MARCHF1: variants seen among roughly 807,000 people sequenced by gnomAD.
MARCHF1 encodes membrane associated ring-CH-type finger 1, also known as E3 ubiquitin-protein ligase MARCHF1.
A neutral mutation model predicts 54.2 loss-of-function variants in MARCHF1; 40 were observed. That is an observed-to-expected ratio of 0.74 (90% CI 0.57 to 0.96). The LOEUF (loss-of-function observed/expected upper bound fraction) is 0.96, where lower values mean the gene tolerates loss of function less well. MARCHF1 is among the 40% of genes least tolerant of loss of function. MARCHF1 has a pLI of 0.00. For synonymous variants in MARCHF1, 236 were observed against 236.3 expected (o/e 1.00, Z 0.01); for missense variants, 586 against 656.5 (o/e 0.89, Z 1.17).
intron 5 of MARCHF1, among the ~76,000 whole-genome samples, chr4:163,648,322 ATTG>A (rs1742833610): frequency 6.6e-6 from 1 of 151,942 alleles, no homozygotes; most frequent in African/African-American, 2.4e-5. Flanking sequence ...ATTAGGCTTG[ATTG>A]TTAGACAATT....
chr4:164,053,242 T>A lies in MARCHF1; in HGVS notation c.-248+58346A>T, dbSNP rs532144691. 1.7e-3 allele frequency among the ~76,000 whole-genome samples: 260 copies of A among 152,214 alleles called. 1 individual carries two copies. The highest frequency in any genetic ancestry group is 9.1e-3 in the East Asian group (47 of 5,180). On this transcript the variant is annotated intron_variant, in intron 2 of 9. Coordinates refer to ENST00000514618, the MANE Select transcript of MARCHF1 (RefSeq NM_001394959.1). ...AATTAGGTATCCTGAAGTTTTTTTT[T>A]AAAAAACAGTTACCAATGACCATTT...
chr4:163,727,874 A>G (rs1745711196), intron 4 of MARCHF1, among the ~76,000 whole-genome samples: 1 of 151,406 alleles, frequency 6.6e-6, no homozygotes, highest in African/African-American at 2.4e-5. Context: ...TTATATAGAG[A>G]TAAGGTTTCA....
intron 4 of MARCHF1, among the ~76,000 whole-genome samples, chr4:163,744,572 AATAAAT>A (rs1746302328): frequency 6.6e-6 from 1 of 152,240 alleles, no homozygotes; most frequent in South Asian, 2.1e-4. Flanking sequence ...GTAAGTGTCA[AATAAAT>A]ATAAGTGTCC....
chr4:163,532,540 A>G (rs771508477), intron 9 of MARCHF1, among the ~76,000 whole-genome samples: 15 of 152,064 alleles, frequency 9.9e-5, no homozygotes, highest in Non-Finnish European at 2.2e-4. Context: ...AAATGGATCA[A>G]TTGGACTTTA....
At chr4:163,679,821 C>A (rs995627801) in intron 5 of MARCHF1, among the ~76,000 whole-genome samples, 2 of 151,710 alleles carry the variant, frequency 1.3e-5, no homozygotes, top group South Asian at 4.2e-4. Context: ...ACCGTGGTCT[C>A]GATCTCCTGA....
At chr4:163,637,241 C>T (rs982810836) in intron 5 of MARCHF1, among the ~76,000 whole-genome samples, 1 of 152,134 alleles carries the variant, frequency 6.6e-6, no homozygotes, top group African/African-American at 2.4e-5. Context: ...CCAAAATTGA[C>T]AAATGGGATC....
intron 4 of MARCHF1, among the ~76,000 whole-genome samples, chr4:163,729,400 G>C (rs1307172553): frequency 2.6e-5 from 3 of 116,310 alleles, no homozygotes; most frequent in African/African-American, 9.4e-5. Context: ...TCACTCAACT[G>C]CTTCTGGTGC....
chr4:163,680,302 C>T (rs556308173), intron 5 of MARCHF1, among the ~76,000 whole-genome samples: 17 of 152,326 alleles, frequency 1.1e-4, no homozygotes, highest in Middle Eastern at 3.4e-3. Context: ...ACTAAGCTTA[C>T]GCTTAACCTA....
chr4:163,914,900 T>C (rs1386897985), intron 3 of MARCHF1, among the ~76,000 whole-genome samples: 2 of 152,168 alleles, frequency 1.3e-5, no homozygotes, highest in Non-Finnish European at 2.9e-5. Flanking sequence ...AATAACCATG[T>C]TGAATACTTC....
intron 3 of MARCHF1, among the ~76,000 whole-genome samples, chr4:163,926,918 G>T (rs961926881): frequency 1.3e-5 from 2 of 151,412 alleles, no homozygotes; most frequent in Non-Finnish European, 3.0e-5. Context: ...TTCTAGAATA[G>T]AATGCATATG....
chr4:164,058,677 T>A (rs1389139410), intron 2 of MARCHF1, among the ~76,000 whole-genome samples: 1 of 152,176 alleles, frequency 6.6e-6, no homozygotes, highest in African/African-American at 2.4e-5. Flanking sequence ...GTTCTCAGCC[T>A]CTCACACTGA....
At chr4:163,667,040 A>AT (rs895583725) in intron 5 of MARCHF1, among the ~76,000 whole-genome samples, 96 of 152,034 alleles carry the variant, frequency 6.3e-4, no homozygotes, top group Non-Finnish European at 1.3e-3. Context: ...GTTCAAGAGT[A>AT]TTTTTTTTAA....
intron 5 of MARCHF1, among the ~76,000 whole-genome samples, chr4:163,624,844 T>C (rs1168414248): frequency 1.3e-5 from 2 of 152,232 alleles, no homozygotes; most frequent in African/African-American, 2.4e-5. Context: ...AATATTATTC[T>C]CACAGTTCTC....
At chr4:163,816,798 G>T (rs1478481732) in intron 4 of MARCHF1, among the ~76,000 whole-genome samples, 1 of 152,072 alleles carries the variant, frequency 6.6e-6, no homozygotes, top group South Asian at 2.1e-4. Flanking sequence ...TCCATAAAGG[G>T]TTACTGAGCA....
At chr4:163,715,489 A>G (rs1285870466) in intron 4 of MARCHF1, among the ~76,000 whole-genome samples, 1 of 152,162 alleles carries the variant, frequency 6.6e-6, no homozygotes, top group Middle Eastern at 3.2e-3. Context: ...ATTGTAAGCT[A>G]TACTGCATCT....
intron 2 of MARCHF1, among the ~76,000 whole-genome samples, chr4:164,027,604 A>G (rs140495467): frequency 2.0e-5 from 3 of 152,060 alleles, no homozygotes; most frequent in Non-Finnish European, 4.4e-5. Context: ...TTAACTCAAG[A>G]TGGATTAAAG....
chr4:163,668,651 A>C (rs1340254022), intron 5 of MARCHF1, among the ~76,000 whole-genome samples: 1 of 152,176 alleles, frequency 6.6e-6, no homozygotes, highest in African/African-American at 2.4e-5. Context: ...TCACAGCATC[A>C]GTAAAGAGCT....
chr4:163,700,520 AGAAAGAAAGAAGGAAGGAAGGAAG>A (rs1310354244), intron 5 of MARCHF1, among the ~76,000 whole-genome samples: 2 of 134,446 alleles, frequency 1.5e-5, no homozygotes, highest in Non-Finnish European at 3.2e-5. Flanking sequence ...ATAGATAGAA[AGAAAGAAAGAAGGAAGGAAGGAAG>A]GAAGGAAGGA....
At chr4:164,301,047 G>A (rs1734545233) in intron 1 of MARCHF1, among the ~76,000 whole-genome samples, 1 of 152,022 alleles carries the variant, frequency 6.6e-6, no homozygotes, top group Admixed American at 6.6e-5. Context: ...TCGGAAAGAT[G>A]CTATTTTTTT....
Sources: gnomAD v4.1 joint callset for allele counts (sites outside exome capture counted in the v4.1 genomes callset) on GRCh38, gnomAD v4.1.1 for gene constraint, MANE v1.5 for transcripts, NCBI Gene and HGNC (gene_info 2026-07-23, HGNC 2026-07-21) for gene names.